COL12A1: variants seen among roughly 807,000 people sequenced by gnomAD.
COL12A1 encodes the protein collagen alpha-1(XII) chain.
COL12A1 carries 114 observed loss-of-function variants against 349.7 expected under a neutral mutation model. That is an observed-to-expected ratio of 0.33 (90% CI 0.28 to 0.38). The LOEUF (loss-of-function observed/expected upper bound fraction) is 0.38, where lower values mean the gene tolerates loss of function less well. Among genes scored for constraint, COL12A1 ranks in the 10% least tolerant of loss-of-function variants. The probability of loss-of-function intolerance (pLI) is 1.00; values close to 1 mark genes in which losing one functional copy is unlikely to be tolerated. For missense variants in COL12A1, 3,284 were observed against 3,756.9 expected (o/e 0.87, Z 3.29); for synonymous variants, 1,369 against 1,329.0 (o/e 1.03, Z -0.66).
Position 75,084,402 on chromosome 6 carries a change from A to G in COL12A1, c.*2145T>C, listed in dbSNP as rs1767380915. The G allele has an allele frequency of 6.5e-6, 1 of 152,674 alleles. No individual in the cohort carries two copies. The highest frequency in any genetic ancestry group is 2.4e-5 in the African/African-American group (1 of 41,468). 9.5% of individuals were successfully genotyped at this position (152,674 alleles called of 1,614,324 possible). A position where few individuals can be genotyped will look rare whatever the true frequency, so the allele number is the denominator to read the frequency against. ...ATAATATAAGGCAGTGAAATTCACA[A>G]TCTGCAGTTAAAATATAAAAGCAGC... On this transcript the variant is annotated 3_prime_UTR_variant, in exon 66 of 66. Coordinates refer to ENST00000322507, the MANE Select transcript of COL12A1 (RefSeq NM_004370.6).
At position 75,147,751 on chromosome 6, in the gene COL12A1, T is replaced by C; in HGVS notation, c.4341A>G (p.Glu1447=). The C allele has an allele frequency of 6.2e-7, 1 of 1,613,612 alleles. No individual in the cohort carries two copies. The highest frequency in any genetic ancestry group is 8.5e-7 in the Non-Finnish European group (1 of 1,179,654). Reference sequence around the variant, plus strand: ...AATACACATTGACAACATATTCAGTTTCAGGTTTCAGATCTTTCAGCACTG... The same window carrying C: ...AATACACATTGACAACATATTCAGTCTCAGGTTTCAGATCTTTCAGCACTG... ...TSTVLKDLKP[E]TEYVVNVYSV... The change falls in exon 23 of 66, where the codon GAA becomes GAG. Residue 1447 remains glutamate (E), a synonymous_variant. Transcript: ENST00000322507.
intron 40 of COL12A1, among the ~76,000 whole-genome samples, chr6:75,124,700 G>A (rs1765927289): frequency 1.3e-5 from 2 of 152,050 alleles, no homozygotes; most frequent in Admixed American, 6.6e-5. Context: ...AAGCAATGGT[G>A]ACCTTAAAAT....
chr6:75,136,188 G>A (rs971866538), intron 31 of COL12A1, among the ~76,000 whole-genome samples: 37 of 152,214 alleles, frequency 2.4e-4, no homozygotes, highest in African/African-American at 6.3e-4. Flanking sequence ...TAGTTTTACC[G>A]AAATCTGGCA....
At position 75,119,408 on chromosome 6, in the gene COL12A1, C is replaced by T. The variant is rs1227090004; in HGVS notation, c.7152G>A (p.Lys2384=). ...TCTGGAGGGCCCCAAGGGCTAGGGC[C>T]TTGTCATTGTACGTGTTCAGCTTGA... is the stretch of plus-strand genomic sequence containing the variant. ...SEFKLNTYND[K]ALALGALQNI... Residue 2384 remains lysine, a synonymous_variant, in exon 45 of 66, where the codon AAG becomes AAA. Transcript: ENST00000322507. 1 of 1,613,852 alleles carries T rather than the reference C, an allele frequency of 6.2e-7. No homozygotes were observed. Among genetic ancestry groups the T allele is most frequent in the Non-Finnish European group, 8.5e-7 (1 of 1,179,910 alleles).
In COL12A1 at chr6:75,090,112, C is replaced by T; in HGVS notation, c.8939G>A (p.Arg2980Gln). 6.2e-6 allele frequency: 10 copies of T among 1,613,202 alleles called. No individual in the cohort carries two copies. Among genetic ancestry groups the T allele is most frequent in the East Asian group, 2.2e-5 (1 of 44,844 alleles). Reference protein sequence around the residue: ...TPGMQGPPGERGLPGEKGERG... With the variant: ...TPGMQGPPGEQGLPGEKGERG... ...ATACAGAAGCCAGAAATGCCTACCT[C>T]GTTCCCCAGGGGGTCCCTGCATCCC... Residue 2980 changes from arginine to glutamine, a missense_variant and splice_region_variant, in exon 63 of 66, where the codon CGA becomes CAA. Arg to Gln is a conservative substitution (Grantham distance 43, BLOSUM62 1). This residue lies in a region of COL12A1 where 683 missense variants were observed against 932.1 expected (regional missense o/e 0.73). Coordinates refer to ENST00000322507, the MANE Select transcript of COL12A1 (RefSeq NM_004370.6). The surrounding 1 kb of genome is among the most constrained non-coding windows in gnomAD (Gnocchi z 4.1).
chr6:75,085,127 G>T lies in COL12A1; in HGVS notation c.*1420C>A. On this transcript the variant is annotated 3_prime_UTR_variant, in exon 66 of 66. Transcript: ENST00000322507. ...AGAAAAGACGTACACTGCTCTATCT[G>T]ACCTGTAAATGAGAATTTCAACACC... The T allele has an allele frequency of 2.3e-6, 1 of 428,930 alleles. No homozygotes were observed. 26.6% of individuals were successfully genotyped at this position (428,930 alleles called of 1,614,324 possible).
Position 75,085,262 on chromosome 6 carries a change from G to C in COL12A1, c.*1285C>G, listed in dbSNP as rs1045333821. Reference sequence around the variant, plus strand: ...GCTCAGGAGGCTCCTCTGCAGGCTCGTCTGCGCCGTAGTCCTCGTATTCCG... The same window carrying C: ...GCTCAGGAGGCTCCTCTGCAGGCTCCTCTGCGCCGTAGTCCTCGTATTCCG... On this transcript the variant is annotated 3_prime_UTR_variant, in exon 66 of 66. Transcript: ENST00000322507. 6.4e-6 allele frequency: 3 copies of C among 470,744 alleles called. No individual in the cohort carries two copies. The highest frequency in any genetic ancestry group is 1.3e-5 in the Non-Finnish European group (3 of 227,080). The allele number at this position is 470,744 out of a possible 1,614,324, so 29.2% of individuals were successfully genotyped here. A position where few individuals can be genotyped will look rare whatever the true frequency, so the allele number is the denominator to read the frequency against.
chr6:75,165,761 T>A lies in COL12A1; in HGVS notation c.2729A>T (p.Asp910Val). ...GTCAGTGATGTCTTTAGTAACTAAA[T>A]CTTGAGGAGAACCACGTTCTAGAAC... Reference protein sequence around the residue: ...TTLEERGSPQDLVTKDITDTS... With the variant: ...TTLEERGSPQVLVTKDITDTS... The change falls in exon 14 of 66, where the codon GAT (aspartate) becomes GTT (valine). Residue 910 changes from aspartate to valine, a missense_variant. Transcript: ENST00000322507. 6.2e-7 allele frequency: 1 copy of A among 1,613,778 alleles called. No individual in the cohort carries two copies. Among genetic ancestry groups the A allele is most frequent in the Non-Finnish European group, 8.5e-7 (1 of 1,179,808 alleles).
At chr6:75,159,256 A>AT (rs1353761658) in intron 14 of COL12A1, among the ~76,000 whole-genome samples, 2 of 151,266 alleles carry the variant, frequency 1.3e-5, no homozygotes. Flanking sequence ...AATCAAAATT[A>AT]TATTGGCTGC....
chr6:75,159,602 G>A (rs1767929710), intron 14 of COL12A1, among the ~76,000 whole-genome samples: 1 of 151,366 alleles, frequency 6.6e-6, no homozygotes, highest in South Asian at 2.1e-4. Context: ...TAAGTTGATG[G>A]GTGTCTAACA....
chr6:75,181,108 G>A lies in COL12A1; in HGVS notation c.1995C>T (p.Thr665=). ...AGENVFSYHI[T]YKEAAGDDEV... is the part of the protein sequence containing the mutation. ...CATCATCCCCAGCCGCTTCCTTGTAGGTGATGTGATATGAAAAAACATTTT... is the reference window on the plus strand; with the variant it reads ...CATCATCCCCAGCCGCTTCCTTGTAAGTGATGTGATATGAAAAAACATTTT... Residue 665 remains threonine (T), a synonymous_variant, in exon 11 of 66, where the codon ACC becomes ACT. Coordinates refer to ENST00000322507, the MANE Select transcript of COL12A1 (RefSeq NM_004370.6). 4.3e-6 allele frequency: 7 copies of A among 1,613,852 alleles called. No homozygotes were observed. The highest frequency in any genetic ancestry group is 5.9e-6 in the Non-Finnish European group (7 of 1,179,988).
At chr6:75,150,270 T>C (rs1007806788) in intron 21 of COL12A1, among the ~76,000 whole-genome samples, 1 of 152,186 alleles carries the variant, frequency 6.6e-6, no homozygotes, top group African/African-American at 2.4e-5. Context: ...TTACCATGTT[T>C]TGTCCCATGA....
At chr6:75,173,913 T>C (rs1263662468) in intron 13 of COL12A1, among the ~76,000 whole-genome samples, 2 of 152,156 alleles carry the variant, frequency 1.3e-5, no homozygotes, top group East Asian at 3.9e-4. Flanking sequence ...ATATAAAATA[T>C]AATGATAGGA....
At chr6:75,100,686 T>C (rs1161764635) in intron 58 of COL12A1, among the ~76,000 whole-genome samples, 1 of 152,168 alleles carries the variant, frequency 6.6e-6, no homozygotes, top group African/African-American at 2.4e-5. Context: ...GGGCAAATCT[T>C]TGCTCCCTCT....
intron 2 of COL12A1, among the ~76,000 whole-genome samples, chr6:75,197,847 A>G (rs987698518): frequency 6.6e-6 from 1 of 152,232 alleles, no homozygotes. Context: ...TCAAAACGCT[A>G]TGCTACGAAG....
At chr6:75,088,590 A>C (rs1486678979) in intron 64 of COL12A1, among the ~76,000 whole-genome samples, 3 of 152,148 alleles carry the variant, frequency 2.0e-5, no homozygotes, top group African/African-American at 7.2e-5. Context: ...TGTTATAGTT[A>C]ATGCCTAATA....
chr6:75,101,588 A>C lies in COL12A1; in HGVS notation c.8523+12T>G. ...TTTCCAACATCATTGTAGCCTGCTC[A>C]AGAAAACTTACTCTGTCTCCTGGAG... On this transcript the variant is annotated intron_variant, in intron 58 of 65. Coordinates refer to ENST00000322507, the MANE Select transcript of COL12A1 (RefSeq NM_004370.6). 6.2e-7 allele frequency: 1 copy of C among 1,612,192 alleles called. No individual in the cohort carries two copies. Among genetic ancestry groups the C allele is most frequent in the Non-Finnish European group, 8.5e-7 (1 of 1,179,244 alleles).
In COL12A1 at chr6:75,154,395, G is replaced by A. The variant is rs6924261; in HGVS notation, c.3565+21C>T. 2,023 of 1,605,770 alleles carry A rather than the reference G, an allele frequency of 1.3e-3. 20 individuals are homozygous for A. In the African/African-American group the frequency reaches 0.024, roughly 19 times the overall value. On this transcript the variant is annotated intron_variant, in intron 17 of 65. Transcript: ENST00000322507. ...AGTTTCCTAAGTTGTTTTCCTCAAG[G>A]AATGTAACTCAATTTCTTACCAGAA...
chr6:75,194,792 A>G, intron 3 of COL12A1, 39 bp downstream of exon 3: 1 of 1,295,058 alleles, frequency 7.7e-7, no homozygotes. Flanking sequence ...TTATATCATC[A>G]TGATGCTTCT....
Sources: allele counts gnomAD v4.1 joint callset (sites outside exome capture counted in the v4.1 genomes callset), GRCh38; gene constraint gnomAD v4.1.1; regional missense constraint gnomAD v4.1.1; non-coding constraint Gnocchi (gnomAD v3.1); transcripts MANE v1.5; gene names NCBI Gene and HGNC (gene_info 2026-07-23, HGNC 2026-07-21).